Variants in NME7 observed in about 807,000 individuals in gnomAD.
NME7 encodes nucleoside diphosphate kinase 7.
NME7 carries 41 observed loss-of-function variants against 49.1 expected under a neutral mutation model. The ratio of observed to expected loss-of-function variants is 0.83; its 90% CI spans 0.65 to 1.08. The LOEUF (loss-of-function observed/expected upper bound fraction) is 1.08. Ranked by LOEUF, NME7 falls within the 50% of genes least tolerant of loss-of-function variation. The pLI, the probability that NME7 is intolerant of heterozygous loss-of-function variation, is 0.00. For synonymous variants in NME7, 139 were observed against 150.6 expected (o/e 0.92, Z 0.56); for missense variants, 423 against 463.4 (o/e 0.91, Z 0.80).
intron 11 of NME7, among the ~76,000 whole-genome samples, chr1:169,135,363 T>C (rs955490808): frequency 6.6e-6 from 1 of 152,162 alleles, no homozygotes; most frequent in Non-Finnish European, 1.5e-5. Context: ...AGCTCAGTAA[T>C]AGCTTAAACT....
chr1:169,253,080 T>A (rs143330692), intron 7 of NME7, among the ~76,000 whole-genome samples: 16 of 151,852 alleles, frequency 1.1e-4, no homozygotes, highest in Non-Finnish European at 1.5e-4. Flanking sequence ...TTAAAGTAGA[T>A]TTTTCCAATT....
At chr1:169,337,114 C>T (rs2101955941) in intron 1 of NME7, among the ~76,000 whole-genome samples, 1 of 152,328 alleles carries the variant, frequency 6.6e-6, no homozygotes, top group East Asian at 1.9e-4. Context: ...GACTGGGCGC[C>T]ATGGAGCAGG....
intron 10 of NME7, among the ~76,000 whole-genome samples, chr1:169,213,386 C>G: frequency 6.6e-6 from 1 of 152,072 alleles, no homozygotes; most frequent in Non-Finnish European, 1.5e-5. Context: ...AAAAATCTCA[C>G]CCATAGTACT....
rs541190225 is a variant in NME7, at chr1:169,247,949, C to T, written c.755-10262G>A. 3.9e-5 allele frequency among the ~76,000 whole-genome samples: 6 copies of T among 152,182 alleles called. No individual in the cohort carries two copies. The East Asian group carries it at 5.8e-4, about 15-fold the overall frequency. Reference sequence around the variant, plus strand: ...TGAATTGTGTTGCAATAAACATATGCGTGCAAGTGTCTTTAATATAATCAC... The same window carrying T: ...TGAATTGTGTTGCAATAAACATATGTGTGCAAGTGTCTTTAATATAATCAC... On this transcript the variant is annotated intron_variant, in intron 7 of 11. Coordinates refer to ENST00000367811, the MANE Select transcript of NME7 (RefSeq NM_013330.5).
chr1:169,175,667 T>A (rs920409358), intron 10 of NME7, among the ~76,000 whole-genome samples: 1 of 152,160 alleles, frequency 6.6e-6, no homozygotes, highest in Non-Finnish European at 1.5e-5. Context: ...AGTGCATGAC[T>A]GTAATGAGTA....
At chr1:169,340,203 T>C (rs979575732) in intron 1 of NME7, among the ~76,000 whole-genome samples, 4 of 152,146 alleles carry the variant, frequency 2.6e-5, no homozygotes, top group African/African-American at 4.8e-5. Context: ...TGGAAGGTGA[T>C]TGGATTACAG....
chr1:169,350,241 A>AGGAGGAAGGAAGGAAGGAAG, intron 1 of NME7, among the ~76,000 whole-genome samples: 1 of 3,724 alleles, frequency 2.7e-4, no homozygotes, highest in East Asian at 0.013. Flanking sequence ...AAAGAAAGAA[A>AGGAGGAAGGAAGGAAGGAAG]GAAAGAAGGA....
chr1:169,274,787 C>T lies in NME7; in HGVS notation c.754+12516G>A, dbSNP rs1558017266. 1.3e-4 allele frequency among the ~76,000 whole-genome samples: 17 copies of T among 133,070 alleles called. 1 individual carries two copies. In the South Asian group the frequency reaches 3.9e-3, roughly 31 times the overall value. 87.3% of individuals were successfully genotyped at this position (133,070 alleles called of 152,430 possible). On this transcript the variant is annotated intron_variant, in intron 7 of 11. Transcript: ENST00000367811. ...AGATCAGATAGTTGTAGATATGTGG[C>T]ATTATTTCTGAGGGCTCTGTTGTGT... is the stretch of plus-strand genomic sequence containing the variant.
chr1:169,190,492 A>G (rs1425988982), intron 10 of NME7, among the ~76,000 whole-genome samples: 1 of 150,610 alleles, frequency 6.6e-6, no homozygotes, highest in Admixed American at 6.6e-5. Context: ...TTAGTCTATT[A>G]GGTCTTGACT....
intron 1 of NME7, among the ~76,000 whole-genome samples, chr1:169,353,023 T>C (rs998864096): frequency 1.3e-5 from 2 of 151,884 alleles, no homozygotes; most frequent in Admixed American, 1.3e-4. Flanking sequence ...ATCAATGATA[T>C]TCTTCAAAGA....
intron 6 of NME7, among the ~76,000 whole-genome samples, chr1:169,297,194 G>A (rs1323449671): frequency 6.6e-6 from 1 of 151,886 alleles, no homozygotes; most frequent in Non-Finnish European, 1.5e-5. Flanking sequence ...GGCTGGTCTC[G>A]AACTCCTGGC....
chr1:169,192,972 A>T (rs1660276648), intron 10 of NME7, among the ~76,000 whole-genome samples: 2 of 152,164 alleles, frequency 1.3e-5, no homozygotes, highest in African/African-American at 4.8e-5. Flanking sequence ...AAATATATAT[A>T]CCGTGAGTTA....
intron 10 of NME7, among the ~76,000 whole-genome samples, chr1:169,170,623 A>G (rs940816620): frequency 6.6e-6 from 1 of 152,150 alleles, no homozygotes; most frequent in African/African-American, 2.4e-5. Flanking sequence ...CCAATATTAA[A>G]AACCTACTCA....
At position 169,323,227 on chromosome 1, in the gene NME7, G is replaced by A. The variant is rs761652259; in HGVS notation, c.168C>T (p.His56=). 1 of 1,607,968 alleles carries A rather than the reference G, an allele frequency of 6.2e-7. No individual in the cohort carries two copies. The highest frequency in any genetic ancestry group is 2.2e-5 in the East Asian group (1 of 44,550). ...FLKRTKYDNL[H]LEDLFIGNKV... ...TGTTGCCTATAAATAAATCTTCCAA[G>A]TGCAGGTTATCATATTTGGTCCGCT... is the stretch of plus-strand genomic sequence containing the variant. Residue 56 remains histidine, a synonymous_variant, in exon 3 of 12, where the codon CAC becomes CAT. Coordinates refer to ENST00000367811, the MANE Select transcript of NME7 (RefSeq NM_013330.5).
chr1:169,220,823 C>A (rs1372020862), intron 10 of NME7, among the ~76,000 whole-genome samples: 1 of 152,110 alleles, frequency 6.6e-6, no homozygotes, highest in African/African-American at 2.4e-5. Flanking sequence ...AAGTTGATTA[C>A]CTAAGAAAAA....
At chr1:169,179,207 A>G (rs749314640) in intron 10 of NME7, among the ~76,000 whole-genome samples, 29 of 152,256 alleles carry the variant, frequency 1.9e-4, no homozygotes, top group Non-Finnish European at 3.2e-4. Flanking sequence ...ATATGAAATA[A>G]AGCTCAGCAT....
rs1239391536 is a variant in NME7, at chr1:169,228,039, T to TACACAC, written c.990+2678_990+2679insGTGTGT. On this transcript the variant is annotated intron_variant, in intron 10 of 11. Transcript: ENST00000367811. ...AGAAAAAAATATATAATTATGTGTG[T>TACACAC]ATACACACACACACACACACACACA... is the stretch of plus-strand genomic sequence containing the variant. Among the ~76,000 whole-genome samples, 3 of 111,602 alleles carry TACACAC rather than the reference T, an allele frequency of 2.7e-5. No homozygotes were observed. In the South Asian group the frequency reaches 8.2e-4, roughly 31 times the overall value. 73.2% of individuals were successfully genotyped at this position (111,602 alleles called of 152,430 possible). A position where few individuals can be genotyped will look rare whatever the true frequency, so the allele number is the denominator to read the frequency against.
chr1:169,168,808 T>C, intron 11 of NME7: 1 of 454,130 alleles, frequency 2.2e-6, no homozygotes, highest in Non-Finnish European at 4.4e-6. Context: ...GCACTCATAA[T>C]ACACATTTTT....
intron 1 of NME7, among the ~76,000 whole-genome samples, chr1:169,364,597 A>G (rs10919149): frequency 0.083 from 12,620 of 152,200 alleles, 712 homozygotes; most frequent in Admixed American, 0.19. Context: ...AAAGACACCT[A>G]CACTGGGTCT....
Sources: gnomAD v4.1 joint callset for allele counts (sites outside exome capture counted in the v4.1 genomes callset) on GRCh38, gnomAD v4.1.1 for gene constraint, MANE v1.5 for transcripts, NCBI Gene and HGNC (gene_info 2026-07-23, HGNC 2026-07-21) for gene names.